CCDC181: variants seen among roughly 807,000 people sequenced by gnomAD.
CCDC181 encodes the protein coiled-coil domain containing 181.
Under a neutral mutation model 58.7 loss-of-function variants are expected in CCDC181, and 35 were observed. That is an observed-to-expected ratio of 0.60 (90% CI 0.46 to 0.79). The LOEUF (loss-of-function observed/expected upper bound fraction) is 0.79, where lower values mean the gene tolerates loss of function less well. Ranked by LOEUF, CCDC181 falls within the 30% of genes least tolerant of loss-of-function variation. CCDC181 has a pLI of 0.00. For missense variants in CCDC181, 517 were observed against 583.9 expected, an observed-to-expected ratio of 0.89 and a Z score of 1.18; for synonymous variants, 183 against 197.5, an observed-to-expected ratio of 0.93 and a Z score of 0.62.
chr1:169,418,924 G>T, intron 4 of CCDC181, 89 bp downstream of exon 4: 1 of 1,031,284 alleles, frequency 9.7e-7, no homozygotes, highest in Non-Finnish European at 1.5e-6. Context: ...TCTTCCATAG[G>T]CTGTTAGTCT....
chr1:169,425,080 C>T (rs1656656976), intron 1 of CCDC181, 130 bp from the exon 2 acceptor site: 2 of 436,696 alleles, frequency 4.6e-6, no homozygotes, highest in Non-Finnish European at 8.4e-6. Flanking sequence ...AATGAACATG[C>T]ACTTGAATAC....
chr1:169,436,658 C>T (rs1657062940), intron 2 of CCDC181, among the ~76,000 whole-genome samples: 1 of 152,180 alleles, frequency 6.6e-6, no homozygotes, highest in South Asian at 2.1e-4. Flanking sequence ...CAATCATTCA[C>T]CATCTGTAAT....
chr1:169,397,764 T>G (rs193239699), intron 4 of CCDC181, among the ~76,000 whole-genome samples: 2 of 152,262 alleles, frequency 1.3e-5, no homozygotes, highest in Admixed American at 1.3e-4. Flanking sequence ...GGATAGTATC[T>G]TCAGGGAATT....
upstream of CCDC181, among the ~76,000 whole-genome samples, chr1:169,430,831 T>G (rs1181303719): frequency 6.6e-6 from 1 of 152,182 alleles, no homozygotes; most frequent in Non-Finnish European, 1.5e-5. Flanking sequence ...CACTAGAGGT[T>G]TCCCATTGGA....
At chr1:169,453,000 G>A (rs1205790778) in intron 2 of CCDC181, among the ~76,000 whole-genome samples, 3 of 151,694 alleles carry the variant, frequency 2.0e-5, no homozygotes, top group Admixed American at 1.3e-4. Context: ...ATTTTTGGCT[G>A]TAGTCTACTT....
chr1:169,427,062 G>A (rs1262061032), intron 1 of CCDC181, among the ~76,000 whole-genome samples: 1 of 152,036 alleles, frequency 6.6e-6, no homozygotes, highest in Non-Finnish European at 1.5e-5. Flanking sequence ...GCTACTCTCA[G>A]ACGAGTATCC....
At position 169,418,881 on chromosome 1, in the gene CCDC181, T is replaced by C. The variant is rs1656330937; in HGVS notation, c.1215+132A>G. The C allele has an allele frequency of 7.7e-6, 5 of 647,574 alleles. No homozygotes were observed. The Admixed American group carries it at 1.5e-4, about 19-fold the overall frequency. The allele number at this position is 647,574 out of a possible 1,614,324, so 40.1% of individuals were successfully genotyped here. The stretch of plus-strand genomic sequence containing the variant: ...TGTAGTTATCTGCATGTTGCATCTT[T>C]TGCAAGGGTAGTTCTTGAACAACTT... On this transcript the variant is annotated intron_variant, in intron 4 of 5. Transcript: ENST00000367806.
Position 169,425,081 on chromosome 1 carries a change from A to G in CCDC181, c.-23-131T>C, listed in dbSNP as rs571553712. The stretch of plus-strand genomic sequence containing the variant: ...AATAGAATGTTCAAAATGAACATGC[A>G]CTTGAATACACCATGAAAGAGAGAT... On this transcript the variant is annotated intron_variant, in intron 1 of 5. Transcript: ENST00000367806. 6 of 438,476 alleles carry G rather than the reference A, an allele frequency of 1.4e-5. No homozygotes were observed. The Admixed American group carries it at 2.2e-4, about 16-fold the overall frequency. The allele number at this position is 438,476 out of a possible 1,614,324, so 27.2% of individuals were successfully genotyped here.
At chr1:169,415,237 G>A (rs1175266520) in intron 4 of CCDC181, among the ~76,000 whole-genome samples, 1 of 152,210 alleles carries the variant, frequency 6.6e-6, no homozygotes, top group East Asian at 1.9e-4. Context: ...CATCGTCCAA[G>A]AAGCTATCAG....
At chr1:169,418,311 AAG>A (rs1656303611) in intron 4 of CCDC181, among the ~76,000 whole-genome samples, 1 of 152,160 alleles carries the variant, frequency 6.6e-6, no homozygotes, top group African/African-American at 2.4e-5. Context: ...CTATTTGAAA[AAG>A]AGAGATTTAA....
chr1:169,401,824 G>C (rs935124489), intron 4 of CCDC181, among the ~76,000 whole-genome samples: 3 of 152,194 alleles, frequency 2.0e-5, no homozygotes, highest in Admixed American at 1.3e-4. Context: ...GAGAGAAGAA[G>C]GCTTCAGACA....
At position 169,421,973 on chromosome 1, in the gene CCDC181, T is replaced by G. The variant is rs1412477449; in HGVS notation, c.458A>C (p.Lys153Thr). ...PVNDKRERKL[K>T]FKDQLVDLEV... ...CAAATCAACTAACTGGTCCTTGAAC[T>G]TAAGTTTTCGCTCCCTTTTATCATT... Residue 153 changes from lysine to threonine, a missense_variant, in exon 3 of 6, where the codon AAG (lysine) becomes ACG (threonine). Physicochemically the swap from Lys to Thr is moderately conservative, Grantham distance 78. Coordinates refer to ENST00000367806, the MANE Select transcript of CCDC181 (RefSeq NM_001300969.2). 1 of 1,614,122 alleles carries G rather than the reference T, an allele frequency of 6.2e-7. No individual in the cohort carries two copies. Among genetic ancestry groups the G allele is most frequent in the East Asian group, 2.2e-5 (1 of 44,876 alleles).
chr1:169,437,256 T>A (rs986616644), intron 2 of CCDC181, among the ~76,000 whole-genome samples: 1 of 152,240 alleles, frequency 6.6e-6, no homozygotes, highest in Admixed American at 6.5e-5. Flanking sequence ...GTGCAGGGTC[T>A]GCAAAATGTC....
upstream of CCDC181, among the ~76,000 whole-genome samples, chr1:169,431,131 G>A (rs955607726): frequency 6.6e-6 from 1 of 152,096 alleles, no homozygotes; most frequent in Non-Finnish European, 1.5e-5. Flanking sequence ...ATGGCCTTAG[G>A]TTCACTGACT....
chr1:169,428,287 T>TA (rs1331941869), upstream of CCDC181, among the ~76,000 whole-genome samples: 2 of 152,212 alleles, frequency 1.3e-5, no homozygotes, highest in Non-Finnish European at 2.9e-5. Context: ...CTAATGTTGC[T>TA]ACTGCTTCAG....
chr1:169,439,429 G>C (rs760743359), intron 2 of CCDC181, among the ~76,000 whole-genome samples: 35 of 152,316 alleles, frequency 2.3e-4, no homozygotes, highest in South Asian at 1.9e-3. Flanking sequence ...TGAAATGGGA[G>C]AGTTCCCTGA....
chr1:169,425,426 A>G lies in CCDC181; in HGVS notation c.-23-476T>C, dbSNP rs752271415. 9.4e-4 allele frequency among the ~76,000 whole-genome samples: 143 copies of G among 152,134 alleles called. 3 individuals carry two copies. Among genetic ancestry groups the G allele is most frequent in the Admixed American group, 3.9e-4 (6 of 15,286 alleles). ...TTTTTTCTAAACTATTCATTGGACTATAATTCTTTCTAGATACTTATTTAT... is the reference window on the plus strand; with the variant it reads ...TTTTTTCTAAACTATTCATTGGACTGTAATTCTTTCTAGATACTTATTTAT... On this transcript the variant is annotated intron_variant, in intron 1 of 5. Transcript: ENST00000367806.
chr1:169,457,588 A>G (rs1220727519), intron 2 of CCDC181, among the ~76,000 whole-genome samples: 1 of 152,180 alleles, frequency 6.6e-6, no homozygotes, highest in Non-Finnish European at 1.5e-5. Flanking sequence ...CATTTCACTT[A>G]AAGATGCGGT....
At chr1:169,445,487 T>A (rs975512060) in intron 2 of CCDC181, among the ~76,000 whole-genome samples, 16 of 152,204 alleles carry the variant, frequency 1.1e-4, no homozygotes, top group African/African-American at 3.6e-4. Flanking sequence ...CTGGAATAAA[T>A]CTCATTTCGT....
Sources: gnomAD v4.1 joint callset for allele counts (sites outside exome capture counted in the v4.1 genomes callset) on GRCh38, gnomAD v4.1.1 for gene constraint, MANE v1.5 for transcripts, NCBI Gene and HGNC (gene_info 2026-07-23, HGNC 2026-07-21) for gene names.